Variants in TULP4 observed in about 807,000 individuals in gnomAD.
TULP4 encodes the protein TUB like protein 4.
A neutral mutation model predicts 129.0 loss-of-function variants in TULP4; 16 were observed. The observed-to-expected ratio is 0.12, with a 90% confidence interval of 0.08 to 0.19. TULP4 has a LOEUF of 0.19. Among genes scored for constraint, TULP4 ranks in the 10% least tolerant of loss-of-function variants. The probability of loss-of-function intolerance (pLI) is 1.00; values close to 1 mark genes in which losing one functional copy is unlikely to be tolerated. For missense variants in TULP4, 1,842 were observed against 2,059.1 expected (o/e 0.89, Z 2.04); for synonymous variants, 998 against 854.0 (o/e 1.17, Z -2.94).
intron 1 of TULP4, among the ~76,000 whole-genome samples, chr6:158,272,647 C>T (rs1038600745): frequency 1.2e-4 from 19 of 152,160 alleles, no homozygotes; most frequent in African/African-American, 3.4e-4. Context: ...AAACTGAGAC[C>T]TTGAGTAGTT....
chr6:158,390,065 C>T lies in TULP4; in HGVS notation c.253-23000C>T, dbSNP rs1173778900. Among the ~76,000 whole-genome samples, 15 of 146,064 alleles carry T rather than the reference C, an allele frequency of 1.0e-4. 1 individual carries two copies. In the South Asian group the frequency reaches 1.3e-3, roughly 13 times the overall value. On this transcript the variant is annotated intron_variant, in intron 1 of 13. Transcript: ENST00000367097. The stretch of plus-strand genomic sequence containing the variant: ...CAGCCTGGACGACAGAGTGAGACTC[C>T]GTCTCAAAAAAAAAAAAAAAATTTA...
At chr6:158,480,251 A>T (rs1779909446) in intron 7 of TULP4, among the ~76,000 whole-genome samples, 1 of 152,218 alleles carries the variant, frequency 6.6e-6, no homozygotes, top group Non-Finnish European at 1.5e-5. Flanking sequence ...AGTGACCATT[A>T]TTCAGCATTT....
At chr6:158,410,216 G>T (rs1227130559) in intron 1 of TULP4, among the ~76,000 whole-genome samples, 1 of 152,140 alleles carries the variant, frequency 6.6e-6, no homozygotes, top group South Asian at 2.1e-4. Context: ...TCCAACAATG[G>T]CAACTGTGTT....
rs1393842106 is a variant in TULP4 at position 158,314,112 on chromosome 6, G to A, written c.96G>A (p.Glu32=). The change falls in exon 1 of 14, where the codon GAG becomes GAA. Residue 32 remains glutamate, a synonymous_variant. Transcript: ENST00000367097. Reference sequence around the variant, plus strand: ...GGCGTGTCCCCAAGAGTGAGAAGGAGAAGCCTGTGTGCAGGAGACGCTACT... The same window carrying A: ...GGCGTGTCCCCAAGAGTGAGAAGGAAAAGCCTGTGTGCAGGAGACGCTACT... The part of the protein sequence containing the change: ...WKGRVPKSEK[E]KPVCRRRYYE... The A allele has an allele frequency of 1.2e-6, 2 of 1,614,228 alleles. No individual in the cohort carries two copies. Among genetic ancestry groups the A allele is most frequent in the Non-Finnish European group, 1.7e-6 (2 of 1,180,038 alleles).
rs1053803836 is a variant in TULP4 at position 158,325,999 on chromosome 6, G to A, written c.252+11731G>A. Among the ~76,000 whole-genome samples the A allele has an allele frequency of 4.2e-5, 6 of 144,222 alleles. No individual in the cohort carries two copies. The South Asian group carries it at 6.4e-4, about 15-fold the overall frequency. The allele number at this position is 144,222 out of a possible 152,430, so 94.6% of individuals were successfully genotyped here. A position where few individuals can be genotyped will look rare whatever the true frequency, so the allele number is the denominator to read the frequency against. On this transcript the variant is annotated intron_variant, in intron 1 of 13. Transcript: ENST00000367097. Reference sequence around the variant, plus strand: ...TGTCTATTGACTTCATTCCCATCTCGTTAGGCTGAGATTTAGCACTCTTCT... The same window carrying A: ...TGTCTATTGACTTCATTCCCATCTCATTAGGCTGAGATTTAGCACTCTTCT...
intron 1 of TULP4, chr6:158,237,884 G>A (rs573441277): frequency 2.7e-6 from 2 of 742,694 alleles, no homozygotes; most frequent in East Asian, 5.1e-5. Flanking sequence ...GAAATAAACT[G>A]TGCCAGGGTA....
At chr6:158,431,445 G>T (rs1228333638) in intron 3 of TULP4, among the ~76,000 whole-genome samples, 3 of 152,208 alleles carry the variant, frequency 2.0e-5, no homozygotes, top group Non-Finnish European at 1.5e-5. Context: ...GATGAGTTGT[G>T]CCAGCCAGTG....
chr6:158,351,346 C>A (rs1398192845), intron 1 of TULP4, among the ~76,000 whole-genome samples: 1 of 152,150 alleles, frequency 6.6e-6, no homozygotes, highest in East Asian at 1.9e-4. Flanking sequence ...CCTCAGTTCT[C>A]TGTGAAGTCT....
intron 1 of TULP4, among the ~76,000 whole-genome samples, chr6:158,362,692 T>C (rs1365123770): frequency 6.6e-6 from 1 of 152,344 alleles, no homozygotes; most frequent in East Asian, 1.9e-4. Flanking sequence ...CTGAGGTCTT[T>C]GGTGTCTGGG....
chr6:158,420,655 T>G lies in TULP4; in HGVS notation c.381+7462T>G, dbSNP rs184431429. On this transcript the variant is annotated intron_variant, in intron 2 of 13. Coordinates refer to ENST00000367097, the MANE Select transcript of TULP4 (RefSeq NM_020245.5). ...CGCCACTACACCTGGCTAATTTTTG[T>G]TTTTTTTTAGTAGAGACGAGGTTTC... 6.1e-3 allele frequency among the ~76,000 whole-genome samples: 105 copies of G among 17,222 alleles called. 3 individuals are homozygous for G. The highest frequency in any genetic ancestry group is 0.061 in the East Asian group (97 of 1,594). 11.3% of individuals were successfully genotyped at this position (17,222 alleles called of 152,430 possible).
chr6:158,352,607 G>A (rs929220123), intron 1 of TULP4, among the ~76,000 whole-genome samples: 7 of 152,234 alleles, frequency 4.6e-5, no homozygotes, highest in South Asian at 2.1e-4. Flanking sequence ...ATGTTGGCCA[G>A]GATGGTCTTG....
At chr6:158,368,220 G>A (rs914198586) in intron 1 of TULP4, among the ~76,000 whole-genome samples, 1 of 152,128 alleles carries the variant, frequency 6.6e-6, no homozygotes, top group Non-Finnish European at 1.5e-5. Context: ...TTATCTAAAA[G>A]TATGATTTGA....
intron 1 of TULP4, among the ~76,000 whole-genome samples, chr6:158,321,663 T>C (rs2128487152): frequency 6.6e-6 from 1 of 152,232 alleles, no homozygotes; most frequent in Non-Finnish European, 1.5e-5. Flanking sequence ...CCAAGTCTTG[T>C]TATTAGCAAG....
chr6:158,266,717 G>A lies in TULP4; in HGVS notation n.68+34414G>A, dbSNP rs138829989. Reference sequence around the variant, plus strand: ...TAGGTAATATAAATAATCTAGAGATGATGTATATGAGGGATGCATATGGGT... The same window carrying A: ...TAGGTAATATAAATAATCTAGAGATAATGTATATGAGGGATGCATATGGGT... On this transcript the variant is annotated intron_variant and non_coding_transcript_variant, in intron 1 of 1. Transcript: ENST00000620026. Among the ~76,000 whole-genome samples the A allele has an allele frequency of 1.2e-3, 177 of 152,310 alleles. 1 individual carries two copies. The highest frequency in any genetic ancestry group is 6.8e-3 in the Middle Eastern group (2 of 294).
chr6:158,362,632 G>C (rs1780821613), intron 1 of TULP4, among the ~76,000 whole-genome samples: 1 of 152,186 alleles, frequency 6.6e-6, no homozygotes. Context: ...TTACAGATGT[G>C]AGCCATGGTG....
intron 1 of TULP4, among the ~76,000 whole-genome samples, chr6:158,366,569 T>C (rs1780969427): frequency 6.6e-6 from 1 of 152,210 alleles, no homozygotes; most frequent in Non-Finnish European, 1.5e-5. Flanking sequence ...TTGCCTCTGC[T>C]CCCATCCTTC....
chr6:158,256,764 C>T lies in TULP4; in HGVS notation n.68+24461C>T, dbSNP rs768775951. Reference sequence around the variant, plus strand: ...TTGTAATTATATTAGGACGTGATGTCGTCCCTCCCTATGTTTATTAATTAG... The same window carrying T: ...TTGTAATTATATTAGGACGTGATGTTGTCCCTCCCTATGTTTATTAATTAG... On this transcript the variant is annotated intron_variant and non_coding_transcript_variant, in intron 1 of 1. Transcript: ENST00000620026. Among the ~76,000 whole-genome samples the T allele has an allele frequency of 2.6e-5, 4 of 152,158 alleles. No homozygotes were observed. The South Asian group carries it at 8.3e-4, about 32-fold the overall frequency.
At chr6:158,244,198 A>G (rs753963170) in intron 1 of TULP4, among the ~76,000 whole-genome samples, 3 of 152,156 alleles carry the variant, frequency 2.0e-5, no homozygotes, top group Non-Finnish European at 4.4e-5. Flanking sequence ...CGTCTCTAGT[A>G]ATCTCATAGC....
At chr6:158,389,086 C>A (rs1777528178) in intron 1 of TULP4, among the ~76,000 whole-genome samples, 1 of 152,220 alleles carries the variant, frequency 6.6e-6, no homozygotes, top group Admixed American at 6.5e-5. Context: ...ACAACAGTTT[C>A]ATAATTTTGC....
Sources: gnomAD v4.1 joint callset for allele counts (sites outside exome capture counted in the v4.1 genomes callset) on GRCh38, gnomAD v4.1.1 for gene constraint, MANE v1.5 for transcripts, NCBI Gene and HGNC (gene_info 2026-07-23, HGNC 2026-07-21) for gene names.